The following NUP62CL variants were observed in gnomAD, a reference collection of about 807,000 sequenced individuals.
NUP62CL encodes nucleoporin 62 C-terminal like, also known as nucleoporin-62 C-terminal-like protein.
NUP62CL carries 13 observed loss-of-function variants against 15.3 expected under a neutral mutation model. The observed-to-expected ratio is 0.85, with a 90% CI of 0.55 to 1.35. NUP62CL has a LOEUF of 1.35. NUP62CL is among the 40% of genes most tolerant of loss of function. The pLI, the probability that NUP62CL is intolerant of heterozygous loss-of-function variation, is 0.00. For synonymous variants in NUP62CL, 54 were observed against 49.2 expected, an observed-to-expected ratio of 1.10 and a Z score of -0.41; for missense variants, 123 against 130.6, an observed-to-expected ratio of 0.94 and a Z score of 0.28.
At chrX:107,183,586 A>C (rs1217328545) in intron 2 of NUP62CL, among the ~76,000 whole-genome samples, 1 of 112,052 alleles carries the variant, frequency 8.9e-6, no homozygotes, top group Admixed American at 9.5e-5. Context: ...TTTTTGCCTC[A>C]TATTTCCCAG....
At chrX:107,133,865 G>A (rs190057565) in intron 8 of NUP62CL, among the ~76,000 whole-genome samples, 2 of 112,142 alleles carry the variant, frequency 1.8e-5, no homozygotes, top group Admixed American at 9.4e-5. Flanking sequence ...TTGAGCCCGG[G>A]AGGTGGAGGT....
chrX:107,132,038 G>C lies in NUP62CL; in HGVS notation c.*43-7706C>G. 3 of 1,035,513 alleles carry C rather than the reference G, an allele frequency of 2.9e-6. No individual in the cohort carries two copies. In the South Asian group the frequency reaches 5.6e-5, roughly 19 times the overall value. 85.3% of individuals were successfully genotyped at this position (1,035,513 alleles called of 1,213,427 possible). A position where few individuals can be genotyped will look rare whatever the true frequency, so the allele number is the denominator to read the frequency against. On this transcript the variant is annotated intron_variant, in intron 8 of 8. Coordinates refer to ENST00000372466, the MANE Select transcript of NUP62CL (RefSeq NM_017681.3). Reference sequence around the variant, plus strand: ...ATAAAGGATAATGATTTCTCCTATCGACCCAACATGATTTGTAGCTTTCTA... The same window carrying C: ...ATAAAGGATAATGATTTCTCCTATCCACCCAACATGATTTGTAGCTTTCTA...
intron 2 of NUP62CL, among the ~76,000 whole-genome samples, chrX:107,181,517 T>G (rs959512329): frequency 1.8e-5 from 2 of 111,076 alleles, no homozygotes; most frequent in Non-Finnish European, 3.8e-5. Flanking sequence ...TTATAATAAT[T>G]TTCACATATT....
chrX:107,203,398 C>G (rs779135830), intron 1 of NUP62CL, among the ~76,000 whole-genome samples: 16 of 109,165 alleles, frequency 1.5e-4, no homozygotes, highest in Non-Finnish European at 7.6e-5. Context: ...CACATGCCAC[C>G]AAGCCTGACT....
rs200567636 is a variant in NUP62CL at position 107,190,050 on chromosome X, AT to A, written c.-48+2978del. 6.5e-3 allele frequency among the ~76,000 whole-genome samples: 721 copies of A among 111,602 alleles called. 3 individuals carry two copies. Among genetic ancestry groups the A allele is most frequent in the Admixed American group, 0.011 (116 of 10,530 alleles). ...TACTATATGGTCCACTGTATATAAC[AT>A]TTTATTAACTGCATTTTGGTTTAGC... is the stretch of plus-strand genomic sequence containing the variant. On this transcript the variant is annotated intron_variant, in intron 2 of 8. Transcript: ENST00000372466.
rs1305553938 is a variant in NUP62CL, at chrX:107,164,209, A to G, written c.194+3440T>C. ...TCAATACAGAAAAAACAACAAGAAA[A>G]TCTCCAAACACTTGGAAATTAAACA... is the stretch of plus-strand genomic sequence containing the variant. On this transcript the variant is annotated intron_variant, in intron 4 of 8. Transcript: ENST00000372466. Among the ~76,000 whole-genome samples, 3 of 111,898 alleles carry G rather than the reference A, an allele frequency of 2.7e-5. No individual in the cohort carries two copies. In the East Asian group the frequency reaches 8.3e-4, roughly 31 times the overall value.
At chrX:107,124,936 T>C (rs1003825660) in intron 8 of NUP62CL, among the ~76,000 whole-genome samples, 6 of 111,926 alleles carry the variant, frequency 5.4e-5, no homozygotes, top group African/African-American at 1.6e-4. Flanking sequence ...CATTAATGGT[T>C]ACTCATGAAT....
chrX:107,202,753 T>A (rs2147820227), intron 1 of NUP62CL: 1 of 104,313 alleles, frequency 9.6e-6, no homozygotes, highest in South Asian at 4.6e-4. Flanking sequence ...CCCAGCACTT[T>A]AGGAGGCTGA....
intron 1 of NUP62CL, among the ~76,000 whole-genome samples, chrX:107,196,723 T>G (rs1418936865): frequency 8.9e-6 from 1 of 112,430 alleles, no homozygotes; most frequent in South Asian, 3.7e-4. Context: ...GTGCTGGGAT[T>G]ACAGGTGTGA....
intron 1 of NUP62CL, among the ~76,000 whole-genome samples, chrX:107,195,180 T>C (rs1017584550): frequency 9.0e-6 from 1 of 111,505 alleles, no homozygotes; most frequent in Non-Finnish European, 1.9e-5. Context: ...AGCAGCATTT[T>C]AAAAAATAAA....
intron 2 of NUP62CL, among the ~76,000 whole-genome samples, chrX:107,189,937 G>GAA (rs1927196515): frequency 9.7e-6 from 1 of 102,970 alleles, no homozygotes; most frequent in East Asian, 3.0e-4. Flanking sequence ...AAGAAAGAAA[G>GAA]AAAGAAAGAG....
At chrX:107,124,526 T>C (rs1048232277) in intron 8 of NUP62CL, among the ~76,000 whole-genome samples, 194 bp from the exon 9 acceptor site, 1 of 111,694 alleles carries the variant, frequency 9.0e-6, no homozygotes, top group Non-Finnish European at 1.9e-5. Context: ...GACAAGACTT[T>C]TTTTTTTTTC....
Position 107,169,831 on chromosome X carries a change from C to T in NUP62CL, c.59-2047G>A, listed in dbSNP as rs192412428. On this transcript the variant is annotated intron_variant, in intron 3 of 8. Coordinates refer to ENST00000372466, the MANE Select transcript of NUP62CL (RefSeq NM_017681.3). ...GAAATTTTTTTTTTAAAAAAATGAG[C>T]CCTTCTTGTAAAGGAGAATATCTTC... 4.8e-3 allele frequency among the ~76,000 whole-genome samples: 529 copies of T among 110,952 alleles called. 1 individual carries two copies. The highest frequency in any genetic ancestry group is 0.016 in the African/African-American group (504 of 30,591).
chrX:107,154,205 C>T lies in NUP62CL; in HGVS notation c.236G>A (p.Gly79Asp), dbSNP rs1159416213. ...CTCAAGGTTCCACTCATTTATAAGA[C>T]CCTCCAGATGACCATATGTCATCAC... ...TPVMTYGHLE[G>D]LINEWNLELE... Residue 79 changes from glycine to aspartate, a missense_variant, in exon 5 of 9, where the codon GGT (glycine) becomes GAT (aspartate). Coordinates refer to ENST00000372466, the MANE Select transcript of NUP62CL (RefSeq NM_017681.3). 10 of 1,206,139 alleles carry T rather than the reference C, an allele frequency of 8.3e-6. No homozygotes were observed. The South Asian group carries it at 1.6e-4, about 19-fold the overall frequency.
chrX:107,133,404 G>A (rs1284444085), intron 8 of NUP62CL, among the ~76,000 whole-genome samples: 3 of 110,811 alleles, frequency 2.7e-5, no homozygotes, highest in Admixed American at 9.5e-5. Context: ...GCATGACCGC[G>A]GCTTACTACA....
At chrX:107,153,142 C>A (rs1602643975) in intron 7 of NUP62CL, 30 bp downstream of exon 7, 1 of 1,183,022 alleles carries the variant, frequency 8.5e-7, no homozygotes, top group Non-Finnish European at 1.1e-6. Flanking sequence ...AAGTCCTGCC[C>A]CATTCTTCAA....
At position 107,152,049 on chromosome X, in the gene NUP62CL, GATATATATAT is replaced by G. The variant is rs778670339; in HGVS notation, c.530+1113_530+1122del. 1.8e-3 allele frequency among the ~76,000 whole-genome samples: 74 copies of G among 41,115 alleles called. 5 individuals are homozygous for G. The highest frequency in any genetic ancestry group is 9.3e-3 in the African/African-American group (61 of 6,574). 35.7% of individuals were successfully genotyped at this position (41,115 alleles called of 115,157 possible). On this transcript the variant is annotated intron_variant, in intron 7 of 8. Coordinates refer to ENST00000372466, the MANE Select transcript of NUP62CL (RefSeq NM_017681.3). ...CATCTTGAATATATATATATATTCA[GATATATATAT>G]ATATATATATATATATTCAGATATA...
At chrX:107,152,923 T>C (rs1015158941) in intron 7 of NUP62CL, among the ~76,000 whole-genome samples, 1 of 111,912 alleles carries the variant, frequency 8.9e-6, no homozygotes, top group African/African-American at 3.2e-5. Flanking sequence ...ATGCATAAGG[T>C]TGACAGTAAT....
chrX:107,162,950 G>C (rs192027804), intron 4 of NUP62CL, among the ~76,000 whole-genome samples: 3 of 111,251 alleles, frequency 2.7e-5, no homozygotes, highest in African/African-American at 9.8e-5. Context: ...GACAGGAGGC[G>C]GAGCTCAGGC....
Sources: gnomAD v4.1 joint callset for allele counts (sites outside exome capture counted in the v4.1 genomes callset) on GRCh38, gnomAD v4.1.1 for gene constraint, MANE v1.5 for transcripts, NCBI Gene and HGNC (gene_info 2026-07-23, HGNC 2026-07-21) for gene names.